Variants in SLC39A11 observed in about 807,000 individuals in gnomAD.
The protein encoded by SLC39A11 is zinc transporter ZIP11.
Under a neutral mutation model 36.1 loss-of-function variants are expected in SLC39A11, and 33 were observed. That is an observed-to-expected ratio of 0.91 (90% confidence interval 0.69 to 1.22). The LOEUF (loss-of-function observed/expected upper bound fraction) is 1.22, where lower values mean the gene tolerates loss of function less well. Among genes scored for constraint, SLC39A11 ranks in the 50% most tolerant of loss-of-function variants. SLC39A11 has a pLI of 0.00. For synonymous variants in SLC39A11, 166 were observed against 170.3 expected (o/e 0.97, Z 0.20); for missense variants, 432 against 430.3 (o/e 1.00, Z -0.03).
chr17:72,961,486 C>T (rs1448241386), intron 4 of SLC39A11, among the ~76,000 whole-genome samples: 1 of 152,114 alleles, frequency 6.6e-6, no homozygotes, highest in African/African-American at 2.4e-5. Flanking sequence ...TTGGAACCAA[C>T]CCAAATGTCC....
chr17:73,081,668 CACA>C (rs2060522732), intron 3 of SLC39A11, among the ~76,000 whole-genome samples: 2 of 64,984 alleles, frequency 3.1e-5, no homozygotes, highest in Admixed American at 1.8e-4. Flanking sequence ...CACACACACA[CACA>C]TATATATACA....
chr17:72,916,547 G>T (rs139286732), intron 5 of SLC39A11, among the ~76,000 whole-genome samples: 22 of 152,208 alleles, frequency 1.4e-4, no homozygotes, highest in Non-Finnish European at 3.1e-4. Context: ...TTTCCAGGAT[G>T]TCACTGTAGG....
chr17:72,720,402 C>A (rs1236686955), intron 7 of SLC39A11, among the ~76,000 whole-genome samples: 1 of 151,992 alleles, frequency 6.6e-6, no homozygotes, highest in Admixed American at 6.6e-5. Context: ...TGGACCTGGG[C>A]TCCGAGTAGC....
intron 6 of SLC39A11, among the ~76,000 whole-genome samples, chr17:72,790,988 C>G (rs2076682559): frequency 6.6e-6 from 1 of 152,224 alleles, no homozygotes; most frequent in African/African-American, 2.4e-5. Context: ...CCCTCACCTG[C>G]AGATATTTAC....
chr17:72,972,340 T>C (rs1052799739), intron 4 of SLC39A11, among the ~76,000 whole-genome samples: 1 of 152,128 alleles, frequency 6.6e-6, no homozygotes, highest in African/African-American at 2.4e-5. Flanking sequence ...GCAATACACA[T>C]CACCGCCCCA....
intron 5 of SLC39A11, among the ~76,000 whole-genome samples, chr17:72,895,885 G>A (rs1381899239): frequency 2.0e-5 from 3 of 152,120 alleles, no homozygotes; most frequent in Non-Finnish European, 4.4e-5. Flanking sequence ...GTAGTTAAAT[G>A]AAAATTGCTA....
chr17:72,670,194 CACACACACACACACACACAT>C (rs1218024027), intron 7 of SLC39A11, among the ~76,000 whole-genome samples: 2,247 of 95,530 alleles, frequency 0.024, 70 homozygotes, highest in African/African-American at 0.077. Context: ...CACACACACA[CACACACACACACACACACAT>C]ATATATATAT....
At chr17:72,924,563 CA>C (rs1017335327) in intron 5 of SLC39A11, among the ~76,000 whole-genome samples, 6 of 152,136 alleles carry the variant, frequency 3.9e-5, no homozygotes, top group Non-Finnish European at 1.5e-5. Flanking sequence ...GGACCTAAAA[CA>C]ACTTTTGGCA....
At chr17:72,772,922 A>T (rs2076000970) in intron 6 of SLC39A11, among the ~76,000 whole-genome samples, 2 of 151,868 alleles carry the variant, frequency 1.3e-5, no homozygotes, top group Admixed American at 1.3e-4. Flanking sequence ...TGTCTCTACT[A>T]AAAAAATACA....
rs150170040 is a variant in SLC39A11, at chr17:73,046,523, A to G, written c.148-14809T>C. Among the ~76,000 whole-genome samples, 524 of 152,322 alleles carry G rather than the reference A, an allele frequency of 3.4e-3. 1 individual carries two copies. The highest frequency in any genetic ancestry group is 5.8e-3 in the Admixed American group (89 of 15,300). On this transcript the variant is annotated intron_variant, in intron 3 of 9. Coordinates refer to ENST00000255559, the MANE Select transcript of SLC39A11 (RefSeq NM_139177.4). ...GGATGAACAGTTACATGATAATTTC[A>G]GATAAAGAATAAATACTTGTTTTAG... is the stretch of plus-strand genomic sequence containing the variant.
chr17:73,071,239 G>C (rs2060153215), intron 3 of SLC39A11, among the ~76,000 whole-genome samples: 1 of 152,172 alleles, frequency 6.6e-6, no homozygotes. Flanking sequence ...TTACAAATTT[G>C]AGTGCTGCTT....
At chr17:72,889,275 G>T (rs1459375000) in intron 5 of SLC39A11, among the ~76,000 whole-genome samples, 1 of 152,128 alleles carries the variant, frequency 6.6e-6, no homozygotes. Context: ...AGCACTTTGG[G>T]AGGCCAAGGC....
intron 4 of SLC39A11, among the ~76,000 whole-genome samples, chr17:73,008,105 A>AAAAAGAAAAAG (rs1568113878): frequency 8.6e-5 from 12 of 139,622 alleles, no homozygotes; most frequent in Non-Finnish European, 1.8e-4. Context: ...TCAGTCTCAA[A>AAAAAGAAAAAG]AAAAAGAAAA....
intron 6 of SLC39A11, among the ~76,000 whole-genome samples, chr17:72,779,562 G>A (rs951156900): frequency 3.9e-5 from 6 of 152,178 alleles, no homozygotes; most frequent in Admixed American, 6.5e-5. Flanking sequence ...CAGCACAAGC[G>A]CTGTTCACCT....
chr17:72,767,306 A>G (rs1265736288), intron 6 of SLC39A11, among the ~76,000 whole-genome samples: 1 of 152,222 alleles, frequency 6.6e-6, no homozygotes, highest in Admixed American at 6.5e-5. Context: ...CATTCTAGGT[A>G]CTAGAGAGAC....
At chr17:72,775,020 C>T (rs1330017912) in intron 6 of SLC39A11, among the ~76,000 whole-genome samples, 1 of 151,924 alleles carries the variant, frequency 6.6e-6, no homozygotes, top group Non-Finnish European at 1.5e-5. Context: ...AAGCTCGTGG[C>T]ACCCACTTCA....
At chr17:72,780,467 G>T (rs1310105381) in intron 6 of SLC39A11, among the ~76,000 whole-genome samples, 1 of 138,132 alleles carries the variant, frequency 7.2e-6, no homozygotes, top group Non-Finnish European at 1.5e-5. Context: ...CAATGTGAGG[G>T]TATTAATTCC....
chr17:73,079,409 T>G (rs1015915834), intron 3 of SLC39A11, among the ~76,000 whole-genome samples: 1 of 152,190 alleles, frequency 6.6e-6, no homozygotes, highest in African/African-American at 2.4e-5. Context: ...ATTATTGATT[T>G]CTTTATCATG....
At chr17:72,670,356 G>A (rs1278423585) in intron 7 of SLC39A11, among the ~76,000 whole-genome samples, 1 of 147,248 alleles carries the variant, frequency 6.8e-6, no homozygotes, top group Non-Finnish European at 1.5e-5. Flanking sequence ...GGGCAGTGAA[G>A]CCAGACCCTG....
Sources: gnomAD v4.1 joint callset for allele counts (sites outside exome capture counted in the v4.1 genomes callset) on GRCh38, gnomAD v4.1.1 for gene constraint, MANE v1.5 for transcripts, NCBI Gene and HGNC (gene_info 2026-07-23, HGNC 2026-07-21) for gene names.